The following LAMP3 variants were observed in gnomAD, a reference collection of about 807,000 sequenced individuals.
The protein encoded by LAMP3 is lysosome-associated membrane glycoprotein 3.
A neutral mutation model predicts 34.8 loss-of-function variants in LAMP3; 26 were observed. That is an observed-to-expected ratio of 0.75 (90% CI 0.55 to 1.04). The LOEUF is 1.04. LAMP3 is among the 50% of genes least tolerant of loss of function. The pLI is 0.00. For missense variants in LAMP3, 495 were observed against 524.0 expected, an observed-to-expected ratio of 0.94 and a Z score of 0.54; for synonymous variants, 180 against 201.9, an observed-to-expected ratio of 0.89 and a Z score of 0.92.
intron 3 of LAMP3, among the ~76,000 whole-genome samples, chr3:183,145,922 A>C (rs1395355932): frequency 6.6e-6 from 1 of 152,136 alleles, no homozygotes; most frequent in African/African-American, 2.4e-5. Context: ...TATTTCTGTT[A>C]TTTTTCTTTC....
intron 3 of LAMP3, among the ~76,000 whole-genome samples, chr3:183,149,603 A>ATG (rs1720567247): frequency 1.6e-5 from 2 of 128,206 alleles, no homozygotes; most frequent in Admixed American, 1.6e-4. Flanking sequence ...ATATATATAT[A>ATG]TATGTATACA....
intron 4 of LAMP3, among the ~76,000 whole-genome samples, chr3:183,138,719 A>G (rs1720176407): frequency 6.6e-6 from 1 of 151,920 alleles, no homozygotes; most frequent in Admixed American, 6.6e-5. Flanking sequence ...TCTCCCCTAG[A>G]CCCCTCGGTG....
At chr3:183,163,711 T>A (rs1721052969), upstream of LAMP3, 1 of 152,326 alleles carries the variant, frequency 6.6e-6, no homozygotes, top group African/African-American at 2.4e-5. Context: ...CCTGACTCCA[T>A]GTCTTCCCAG....
upstream of LAMP3, chr3:183,163,532 C>G (rs1024018426): frequency 1.3e-5 from 2 of 152,394 alleles, no homozygotes; most frequent in African/African-American, 4.8e-5. Context: ...TTGTGATCCG[C>G]CCGCCTCGGC....
intron 5 of LAMP3, chr3:183,132,313 T>C: frequency 5.4e-6 from 5 of 920,020 alleles, no homozygotes; most frequent in Non-Finnish European, 6.5e-6. Flanking sequence ...ATTAAGATCA[T>C]CTATAATTTA....
intron 1 of LAMP3, chr3:183,161,059 T>A (rs1720961790): frequency 6.6e-6 from 1 of 152,208 alleles, no homozygotes; most frequent in Non-Finnish European, 1.5e-5. Flanking sequence ...CTGAGCAAAA[T>A]CACTGCAGTA....
rs749779464 is a variant in LAMP3 at position 183,153,752 on chromosome 3, A to G, written c.689T>C (p.Val230Ala). The G allele has an allele frequency of 1.3e-6, 2 of 1,554,104 alleles. No individual in the cohort carries two copies. Among genetic ancestry groups the G allele is most frequent in the East Asian group, 4.5e-5 (2 of 44,530 alleles). ...TATACAGAGTCTGCTTCCGTTTAGA[A>G]CCTGATAAATTCCAGTCTTGACTGA... is the stretch of plus-strand genomic sequence containing the variant. ...PSSVKTGIYQ[V>A]LNGSRLCIKA... is the part of the protein sequence containing the mutation. Residue 230 changes from valine to alanine, a missense_variant, in exon 2 of 6, where the codon GTT becomes GCT. Transcript: ENST00000265598.
chr3:183,135,879 A>G lies in LAMP3; in HGVS notation c.955T>C (p.Tyr319His). The change falls in exon 5 of 6, where the codon TAC becomes CAC. Residue 319 changes from tyrosine to histidine, a missense_variant. Physicochemically the swap from Tyr to His is moderately conservative, Grantham distance 83. Transcript: ENST00000265598. ...YLTVSDPETI[Y>H]QGIKHAVVMF... ...ACCACCGCATGTTTGATTCCTTGGT[A>G]AATTGTCTCTGAAAAGGTGACAGAT... The G allele has an allele frequency of 1.9e-6, 3 of 1,613,520 alleles. No homozygotes were observed. Among genetic ancestry groups the G allele is most frequent in the South Asian group, 1.1e-5 (1 of 91,074 alleles).
chr3:183,162,049 T>A lies in LAMP3; in HGVS notation c.49+558A>T, dbSNP rs1720991473. On this transcript the variant is annotated intron_variant, in intron 1 of 5. Coordinates refer to ENST00000265598, the MANE Select transcript of LAMP3 (RefSeq NM_014398.4). The stretch of plus-strand genomic sequence containing the variant: ...ACGTTCGAGTAACCAGGAAACTTCA[T>A]CACAGGGACAACACCACAGCACCCG... 1.3e-5 allele frequency: 11 copies of A among 859,386 alleles called. No individual in the cohort carries two copies. The South Asian group carries it at 5.9e-4, about 46-fold the overall frequency. 53.2% of individuals were successfully genotyped at this position (859,386 alleles called of 1,614,324 possible).
intron 5 of LAMP3, among the ~76,000 whole-genome samples, chr3:183,128,020 C>T (rs1234128453): frequency 6.6e-6 from 1 of 151,816 alleles, no homozygotes; most frequent in Non-Finnish European, 1.5e-5. Context: ...TGGTGGCAGG[C>T]GCCTGTAGTC....
chr3:183,161,173 T>A (rs1383655932), intron 1 of LAMP3, among the ~76,000 whole-genome samples: 6 of 152,104 alleles, frequency 3.9e-5, no homozygotes, highest in Admixed American at 6.5e-5. Context: ...AAAGGTTGGG[T>A]GATGTGAACA....
At chr3:183,151,709 T>G (rs1036919170) in intron 3 of LAMP3, among the ~76,000 whole-genome samples, 54 of 152,314 alleles carry the variant, frequency 3.5e-4, no homozygotes, top group African/African-American at 1.2e-3. Flanking sequence ...ATTACAGGTG[T>G]GAGCCACCGC....
chr3:183,156,364 A>AAACAACAACAACAACAAC (rs10663850), intron 1 of LAMP3, among the ~76,000 whole-genome samples: 7 of 151,154 alleles, frequency 4.6e-5, no homozygotes, highest in African/African-American at 1.7e-4. Flanking sequence ...GCTGTCTCAA[A>AAACAACAACAACAACAAC]AACAACAACA....
intron 5 of LAMP3, among the ~76,000 whole-genome samples, chr3:183,133,902 CCT>C (rs747672011): frequency 6.6e-6 from 1 of 152,106 alleles, no homozygotes; most frequent in African/African-American, 2.4e-5. Flanking sequence ...TCTTCGATCC[CCT>C]GTTTAAAAAT....
At chr3:183,126,315 G>A (rs1253062482) in intron 5 of LAMP3, among the ~76,000 whole-genome samples, 2 of 152,138 alleles carry the variant, frequency 1.3e-5, no homozygotes, top group Admixed American at 1.3e-4. Flanking sequence ...TGTGGGTCCA[G>A]TGTGAAAAGA....
At chr3:183,155,087 G>A (rs1378671943) in intron 1 of LAMP3, among the ~76,000 whole-genome samples, 1 of 152,090 alleles carries the variant, frequency 6.6e-6, no homozygotes, top group Non-Finnish European at 1.5e-5. Context: ...GCTAATTTTT[G>A]TATTTTTAGT....
rs1464140678 is a variant in LAMP3, at chr3:183,122,782, A to G, written c.*1299T>C. The G allele has an allele frequency of 6.6e-6, 1 of 152,202 alleles. No individual in the cohort carries two copies. The highest frequency in any genetic ancestry group is 1.5e-5 in the Non-Finnish European group (1 of 68,044). The allele number at this position is 152,202 out of a possible 1,614,324, so 9.4% of individuals were successfully genotyped here. A position where few individuals can be genotyped will look rare whatever the true frequency, so the allele number is the denominator to read the frequency against. On this transcript the variant is annotated 3_prime_UTR_variant, in exon 6 of 6. Transcript: ENST00000265598. ...CTTTCATCTACCCTAATGTCTCATGATCCTGGATAAACCCATTTCCCTGTA... is the reference window on the plus strand; with the variant it reads ...CTTTCATCTACCCTAATGTCTCATGGTCCTGGATAAACCCATTTCCCTGTA...
At chr3:183,134,899 T>A (rs1053008207) in intron 5 of LAMP3, among the ~76,000 whole-genome samples, 15 of 152,250 alleles carry the variant, frequency 9.9e-5, no homozygotes, top group Admixed American at 3.9e-4. Context: ...GAAATTGAAG[T>A]ACATGACCCT....
chr3:183,128,567 C>G (rs574541913), intron 5 of LAMP3, among the ~76,000 whole-genome samples: 14 of 152,214 alleles, frequency 9.2e-5, no homozygotes, highest in African/African-American at 3.1e-4. Flanking sequence ...GTACAAATAT[C>G]ATTTCATATA....
Sources: gnomAD v4.1 joint callset for allele counts (sites outside exome capture counted in the v4.1 genomes callset) on GRCh38, gnomAD v4.1.1 for gene constraint, MANE v1.5 for transcripts, NCBI Gene and HGNC (gene_info 2026-07-23, HGNC 2026-07-21) for gene names.